ATXN10: variants seen among roughly 807,000 people sequenced by gnomAD.
The protein encoded by ATXN10 is ataxin 10.
Under a neutral mutation model 52.9 loss-of-function variants are expected in ATXN10, and 28 were observed. That is an observed-to-expected ratio of 0.53 (90% CI 0.39 to 0.73). ATXN10 has a LOEUF of 0.73. ATXN10 is among the 30% of genes least tolerant of loss of function. The pLI is 0.00. For missense variants in ATXN10, 565 were observed against 577.0 expected, an observed-to-expected ratio of 0.98 and a Z score of 0.21; for synonymous variants, 226 against 221.5, an observed-to-expected ratio of 1.02 and a Z score of -0.18.
Position 45,842,227 on chromosome 22 carries a change from T to C in ATXN10, c.1238-764T>C, listed in dbSNP as rs1421304043. 2.0e-5 allele frequency among the ~76,000 whole-genome samples: 3 copies of C among 152,172 alleles called. No homozygotes were observed. Among genetic ancestry groups the C allele is most frequent in the Non-Finnish European group, 4.4e-5 (3 of 68,032 alleles). On this transcript the variant is annotated intron_variant, in intron 10 of 11. Transcript: ENST00000252934. This position sits in a 1 kb window ranked among gnomAD's most constrained non-coding sequence, Gnocchi z 4.8. ...AGAACTACATATAATAGCTTAATGT[T>C]TGCATGAGGTTTACATGGCTCTTGG...
Position 45,712,231 on chromosome 22 carries a change from G to C in ATXN10, c.648-6182G>C, listed in dbSNP as rs2146766261. ...CCACTCTTGAAGGAAAAAGCTACCA[G>C]GTTTGGGCTCATTCTTGAAGGAAAA... is the stretch of plus-strand genomic sequence containing the variant. On this transcript the variant is annotated intron_variant, in intron 5 of 11. Transcript: ENST00000252934. The surrounding 1 kb of genome is among the most constrained non-coding windows in gnomAD (Gnocchi z 4.6). Among the ~76,000 whole-genome samples the C allele has an allele frequency of 6.6e-6, 1 of 152,212 alleles. No individual in the cohort carries two copies. Among genetic ancestry groups the C allele is most frequent in the East Asian group, 1.9e-4 (1 of 5,178 alleles).
At chr22:45,764,757 A>G (rs1163518640) in intron 9 of ATXN10, among the ~76,000 whole-genome samples, 1 of 152,224 alleles carries the variant, frequency 6.6e-6, no homozygotes, top group Non-Finnish European at 1.5e-5. Context: ...TATATTTAGT[A>G]AGCTGCGGAG....
Position 45,820,187 on chromosome 22 carries a change from G to A in ATXN10, c.1237+13165G>A, listed in dbSNP as rs188894302. 2.2e-4 allele frequency among the ~76,000 whole-genome samples: 34 copies of A among 152,272 alleles called. No homozygotes were observed. The highest frequency in any genetic ancestry group is 4.7e-4 in the Non-Finnish European group (32 of 68,032). On this transcript the variant is annotated intron_variant, in intron 10 of 11. Transcript: ENST00000252934. This position sits in a 1 kb window ranked among gnomAD's most constrained non-coding sequence, Gnocchi z 4.9. ...TGTTGGATTCTGTGAAGGGTTCTTC[G>A]AAGGAAAATCTCTAATGGGACTTAT...
intron 1 of ATXN10, among the ~76,000 whole-genome samples, chr22:45,689,114 T>C (rs1454590981): frequency 6.6e-6 from 1 of 152,198 alleles, no homozygotes; most frequent in Non-Finnish European, 1.5e-5. Flanking sequence ...TAGTTGACTG[T>C]AGAAGTTTGG....
Position 45,728,346 on chromosome 22 carries a change from A to T in ATXN10, c.729-1079A>T, listed in dbSNP as rs112496686. ...TGCTCAACTGAGTGGACCGTGTATT[A>T]GTTTTATTTTGGATTAATTATTGTC... On this transcript the variant is annotated intron_variant, in intron 6 of 11. Coordinates refer to ENST00000252934, the MANE Select transcript of ATXN10 (RefSeq NM_013236.4). This position sits in a 1 kb window ranked among gnomAD's most constrained non-coding sequence, Gnocchi z 4.3. Among the ~76,000 whole-genome samples, 1,059 of 152,266 alleles carry T rather than the reference A, an allele frequency of 7.0e-3. 6 individuals carry two copies. The highest frequency in any genetic ancestry group is 0.014 in the African/African-American group (585 of 41,558).
intron 4 of ATXN10, 129 bp downstream of exon 4, chr22:45,700,507 G>A (rs1264398316): frequency 1.3e-6 from 1 of 753,346 alleles, no homozygotes; most frequent in East Asian, 2.8e-5. Context: ...AGTTGTTCTT[G>A]GTGGGTGGGT....
intron 9 of ATXN10, among the ~76,000 whole-genome samples, chr22:45,788,754 G>C (rs1288960640): frequency 2.0e-5 from 3 of 151,980 alleles, no homozygotes; most frequent in African/African-American, 7.3e-5. Flanking sequence ...ACTCCTGAGC[G>C]ATCCTCCCAC....
rs145596972 is a variant in ATXN10 at position 45,824,961 on chromosome 22, A to G, written c.1237+17939A>G. Reference sequence around the variant, plus strand: ...CGCTGAAGTCCACTGAAGTCTTGCAATGTCCACAAGAAGGCTTGAATGGTA... The same window carrying G: ...CGCTGAAGTCCACTGAAGTCTTGCAGTGTCCACAAGAAGGCTTGAATGGTA... On this transcript the variant is annotated intron_variant, in intron 10 of 11. Transcript: ENST00000252934. This position sits in a 1 kb window ranked among gnomAD's most constrained non-coding sequence, Gnocchi z 5.2. 8.5e-5 allele frequency among the ~76,000 whole-genome samples: 13 copies of G among 152,344 alleles called. No individual in the cohort carries two copies. Among genetic ancestry groups the G allele is most frequent in the African/African-American group, 2.2e-4 (9 of 41,580 alleles).
rs921223110 is a variant in ATXN10, at chr22:45,826,647, A to G, written c.1238-16344A>G. 3.9e-5 allele frequency among the ~76,000 whole-genome samples: 6 copies of G among 152,254 alleles called. No individual in the cohort carries two copies. Among genetic ancestry groups the G allele is most frequent in the Admixed American group, 1.3e-4 (2 of 15,286 alleles). ...AGTGGGCCAAAATGTTCAAAGTGCA[A>G]AAAGAAAAAACTGTCAACTAAGAAT... On this transcript the variant is annotated intron_variant, in intron 10 of 11. Coordinates refer to ENST00000252934, the MANE Select transcript of ATXN10 (RefSeq NM_013236.4). The surrounding 1 kb of genome is among the most constrained non-coding windows in gnomAD (Gnocchi z 5.0).
rs1293679239 is a variant in ATXN10, at chr22:45,837,037, C to G, written c.1238-5954C>G. Among the ~76,000 whole-genome samples the G allele has an allele frequency of 6.6e-6, 1 of 152,152 alleles. No individual in the cohort carries two copies. The highest frequency in any genetic ancestry group is 1.5e-5 in the Non-Finnish European group (1 of 68,032). On this transcript the variant is annotated intron_variant, in intron 10 of 11. Coordinates refer to ENST00000252934, the MANE Select transcript of ATXN10 (RefSeq NM_013236.4). This position sits in a 1 kb window ranked among gnomAD's most constrained non-coding sequence, Gnocchi z 5.8. ...TTGGAAAGCCCTGCAGCACACAAAT[C>G]CCTTGCCTTCATGGGTTTGTTATCT...
At position 45,762,011 on chromosome 22, in the gene ATXN10, G is replaced by C. The variant is rs910754175; in HGVS notation, c.1173+21473G>C. Among the ~76,000 whole-genome samples, 1 of 152,086 alleles carries C rather than the reference G, an allele frequency of 6.6e-6. No homozygotes were observed. Among genetic ancestry groups the C allele is most frequent in the African/African-American group, 2.4e-5 (1 of 41,420 alleles). On this transcript the variant is annotated intron_variant, in intron 9 of 11. Coordinates refer to ENST00000252934, the MANE Select transcript of ATXN10 (RefSeq NM_013236.4). This position sits in a 1 kb window ranked among gnomAD's most constrained non-coding sequence, Gnocchi z 4.3. ...GCCTTTAAGAGCCTTCTGACTCCCAGGTTTTCTGATTTTTAAAAACTTCCT... is the reference window on the plus strand; with the variant it reads ...GCCTTTAAGAGCCTTCTGACTCCCACGTTTTCTGATTTTTAAAAACTTCCT...
At chr22:45,731,860 T>C (rs931893518) in intron 7 of ATXN10, among the ~76,000 whole-genome samples, 2 of 152,238 alleles carry the variant, frequency 1.3e-5, no homozygotes, top group Non-Finnish European at 2.9e-5. Context: ...TTTTCTGTGA[T>C]AGGAAAGAAA....
At chr22:45,740,080 C>T (rs1165074180) in intron 8 of ATXN10, among the ~76,000 whole-genome samples, 1 of 152,160 alleles carries the variant, frequency 6.6e-6, no homozygotes, top group Non-Finnish European at 1.5e-5. Context: ...TGCTAGCAAA[C>T]TTTTAGCTAA....
intron 10 of ATXN10, among the ~76,000 whole-genome samples, chr22:45,810,562 T>C (rs1392011977): frequency 6.6e-6 from 1 of 152,238 alleles, no homozygotes; most frequent in African/African-American, 2.4e-5. Context: ...GAAATTGCAT[T>C]GACTGAAATG....
chr22:45,711,241 T>G (rs565707744), intron 5 of ATXN10, among the ~76,000 whole-genome samples: 1 of 151,508 alleles, frequency 6.6e-6, no homozygotes, highest in African/African-American at 2.4e-5. Context: ...ATGGTAATTA[T>G]AGCAGAGTGA....
chr22:45,681,036 T>C lies in ATXN10; in HGVS notation c.117-8676T>C, dbSNP rs569402408. Among the ~76,000 whole-genome samples the C allele has an allele frequency of 2.0e-4, 31 of 152,282 alleles. No individual in the cohort carries two copies. The highest frequency in any genetic ancestry group is 6.2e-4 in the South Asian group (3 of 4,814). Reference sequence around the variant, plus strand: ...GCTGCTTTCAGACCTTTTTCCTCCATAGACCACTCCAACTTTTAATCTCAT... The same window carrying C: ...GCTGCTTTCAGACCTTTTTCCTCCACAGACCACTCCAACTTTTAATCTCAT... On this transcript the variant is annotated intron_variant, in intron 1 of 11. Transcript: ENST00000252934. The surrounding 1 kb of genome is among the most constrained non-coding windows in gnomAD (Gnocchi z 4.2).
At chr22:45,800,364 C>G (rs752612797) in intron 9 of ATXN10, among the ~76,000 whole-genome samples, 1 of 152,140 alleles carries the variant, frequency 6.6e-6, no homozygotes, top group South Asian at 2.1e-4. Context: ...CCCATAAGTA[C>G]CTGAAGATAC....
At position 45,843,897 on chromosome 22, in the gene ATXN10, T is replaced by C; in HGVS notation, c.*226T>C. 1 of 589,938 alleles carries C rather than the reference T, an allele frequency of 1.7e-6. No individual in the cohort carries two copies. Among genetic ancestry groups the C allele is most frequent in the South Asian group, 2.1e-5 (1 of 48,714 alleles). 36.5% of individuals were successfully genotyped at this position (589,938 alleles called of 1,614,324 possible). A position where few individuals can be genotyped will look rare whatever the true frequency, so the allele number is the denominator to read the frequency against. ...ACTGTGTGGTTTGCCTTTGTCCCCC[T>C]GGATAGAACGTGCATTTAAAGAATA... On this transcript the variant is annotated 3_prime_UTR_variant, in exon 12 of 12. Transcript: ENST00000252934. This position sits in a 1 kb window ranked among gnomAD's most constrained non-coding sequence, Gnocchi z 4.5.
chr22:45,807,062 C>T (rs775296204), intron 10 of ATXN10, 40 bp downstream of exon 10: 114 of 1,563,758 alleles, frequency 7.3e-5, no homozygotes, highest in Non-Finnish European at 6.9e-5. Flanking sequence ...AGTTTACAGC[C>T]GGGGCCCTTA....
Sources: gnomAD v4.1 joint callset for allele counts (sites outside exome capture counted in the v4.1 genomes callset) on GRCh38, gnomAD v4.1.1 for gene constraint, Gnocchi (gnomAD v3.1) non-coding constraint, MANE v1.5 for transcripts, NCBI Gene and HGNC (gene_info 2026-07-23, HGNC 2026-07-21) for gene names.